Variants in SH3RF3 observed in about 807,000 individuals in gnomAD.
SH3RF3 encodes the protein SH3 domain containing ring finger 3.
Under a neutral mutation model 66.3 loss-of-function variants are expected in SH3RF3, and 29 were observed. The observed-to-expected ratio is 0.44, with a 90% CI of 0.33 to 0.60. The LOEUF is 0.60. Ranked by LOEUF, SH3RF3 falls within the 20% of genes least tolerant of loss-of-function variation. The pLI, the probability that SH3RF3 is intolerant of heterozygous loss-of-function variation, is 0.04. For missense variants in SH3RF3, 1,194 were observed against 1,190.9 expected (o/e 1.00, Z -0.04); for synonymous variants, 583 against 532.0 (o/e 1.10, Z -1.32).
intron 5 of SH3RF3, among the ~76,000 whole-genome samples, chr2:109,423,548 C>T (rs1423738386): frequency 6.6e-6 from 1 of 152,184 alleles, no homozygotes; most frequent in Non-Finnish European, 1.5e-5. Context: ...TGGTGCTGCA[C>T]TCAGCCTGCA....
intron 1 of SH3RF3, among the ~76,000 whole-genome samples, chr2:109,295,836 C>A (rs574227543): frequency 3.4e-4 from 52 of 152,160 alleles, no homozygotes; most frequent in Admixed American, 1.3e-3. Context: ...CCTGCACGGG[C>A]ATCTCTGTGT....
intron 7 of SH3RF3, among the ~76,000 whole-genome samples, chr2:109,440,155 AAAGCTATGG>A (rs1255871768): frequency 6.6e-6 from 1 of 152,220 alleles, no homozygotes; most frequent in Admixed American, 6.5e-5. Context: ...TGACTGAAGC[AAAGCTATGG>A]AAGAAGGAGA....
chr2:109,462,334 A>G (rs1011338802), intron 8 of SH3RF3, among the ~76,000 whole-genome samples: 2 of 152,008 alleles, frequency 1.3e-5, no homozygotes, highest in African/African-American at 4.8e-5. Flanking sequence ...CAAAAAAAGC[A>G]TTTGCCGAAT....
chr2:109,490,554 G>A (rs1679101877), intron 8 of SH3RF3, 51 bp from the exon 9 acceptor site: 2 of 1,337,798 alleles, frequency 1.5e-6, no homozygotes, highest in Non-Finnish European at 1.9e-6. Flanking sequence ...TGACAGCAAG[G>A]GCATTGGGAA....
chr2:109,448,763 C>T (rs142960274), intron 7 of SH3RF3, among the ~76,000 whole-genome samples: 153 of 152,220 alleles, frequency 1.0e-3, no homozygotes, highest in Non-Finnish European at 1.7e-3. Flanking sequence ...TGAATCATCC[C>T]GAAACCATCC....
intron 1 of SH3RF3, among the ~76,000 whole-genome samples, chr2:109,322,058 A>G (rs1574572743): frequency 6.6e-6 from 1 of 152,312 alleles, no homozygotes; most frequent in East Asian, 1.9e-4. Flanking sequence ...TGGAAGGCAC[A>G]GCAAGGAGCG....
chr2:109,276,229 G>T (rs192995611), intron 1 of SH3RF3, among the ~76,000 whole-genome samples: 28 of 152,328 alleles, frequency 1.8e-4, no homozygotes, highest in Admixed American at 1.6e-3. Context: ...GAGTCTGAAC[G>T]TCCCTGGAGG....
intron 9 of SH3RF3, among the ~76,000 whole-genome samples, chr2:109,493,500 A>C (rs1331620491): frequency 2.0e-5 from 3 of 151,304 alleles, no homozygotes; most frequent in Non-Finnish European, 4.4e-5. Flanking sequence ...ACACCATACA[A>C]ACACATACCT....
intron 1 of SH3RF3, among the ~76,000 whole-genome samples, chr2:109,155,636 G>A (rs1558930275): frequency 6.6e-6 from 1 of 152,134 alleles, no homozygotes. Context: ...TTGGCTATTT[G>A]TGATTTATTT....
chr2:109,168,114 G>A (rs150303830), intron 1 of SH3RF3, among the ~76,000 whole-genome samples: 4 of 152,270 alleles, frequency 2.6e-5, no homozygotes, highest in East Asian at 1.9e-4. Flanking sequence ...TTTATGATGC[G>A]TTGAGTGCCT....
intron 1 of SH3RF3, among the ~76,000 whole-genome samples, chr2:109,163,830 T>C (rs895877478): frequency 6.6e-6 from 1 of 152,214 alleles, no homozygotes; most frequent in Non-Finnish European, 1.5e-5. Flanking sequence ...CCAAACAATG[T>C]GTTTTCCATG....
At chr2:109,454,533 T>C (rs1208514649) in intron 8 of SH3RF3, among the ~76,000 whole-genome samples, 1 of 152,188 alleles carries the variant, frequency 6.6e-6, no homozygotes, top group Non-Finnish European at 1.5e-5. Flanking sequence ...TCCCGCCGGC[T>C]GCCTGACTTC....
Position 109,398,640 on chromosome 2 carries a change from C to G in SH3RF3, c.996C>G (p.Ala332=), listed in dbSNP as rs537361444. 1.9e-6 allele frequency: 3 copies of G among 1,599,530 alleles called. No homozygotes were observed. Among genetic ancestry groups the G allele is most frequent in the East Asian group, 2.3e-5 (1 of 44,044 alleles). The change falls in exon 4 of 10, where the codon GCC becomes GCG. Residue 332 remains alanine, a synonymous_variant. Transcript: ENST00000309415. ...QLIEMDKPCP[A]AASSCNASLP... is the part of the protein sequence containing the mutation. ...TTGAGATGGACAAGCCATGCCCAGCCGCTGCATCCAGCTGCAATGCCTCCC... is the reference window on the plus strand; with the variant it reads ...TTGAGATGGACAAGCCATGCCCAGCGGCTGCATCCAGCTGCAATGCCTCCC...
chr2:109,186,333 G>A (rs78896638), intron 1 of SH3RF3, among the ~76,000 whole-genome samples: 278 of 152,356 alleles, frequency 1.8e-3, no homozygotes, highest in African/African-American at 5.8e-3. Context: ...CCATCCTGCA[G>A]ATGAAAATGC....
intron 9 of SH3RF3, among the ~76,000 whole-genome samples, chr2:109,492,253 A>G (rs746323991): frequency 3.9e-5 from 6 of 152,216 alleles, no homozygotes; most frequent in Admixed American, 2.0e-4. Flanking sequence ...ATGTGACAAC[A>G]TTCACAGCTC....
At position 109,164,234 on chromosome 2, in the gene SH3RF3, A is replaced by G. The variant is rs112288684; in HGVS notation, c.573+34121A>G. 6.6e-3 allele frequency among the ~76,000 whole-genome samples: 1,010 copies of G among 152,126 alleles called. 11 individuals carry two copies. Among genetic ancestry groups the G allele is most frequent in the African/African-American group, 0.023 (946 of 41,472 alleles). On this transcript the variant is annotated intron_variant, in intron 1 of 9. Coordinates refer to ENST00000309415, the MANE Select transcript of SH3RF3 (RefSeq NM_001099289.3). Reference sequence around the variant, plus strand: ...TGCTCTGTTGCCCAGGCTGAAGTGCAGTAACATGACTGATCATAACTCACT... The same window carrying G: ...TGCTCTGTTGCCCAGGCTGAAGTGCGGTAACATGACTGATCATAACTCACT...
intron 1 of SH3RF3, among the ~76,000 whole-genome samples, chr2:109,306,284 A>C (rs988727972): frequency 3.3e-5 from 5 of 152,232 alleles, no homozygotes; most frequent in Non-Finnish European, 7.3e-5. Context: ...GAGGGGTGCC[A>C]CGTGTGTGTT....
chr2:109,417,233 T>C (rs1470452113), intron 4 of SH3RF3, among the ~76,000 whole-genome samples: 1 of 152,124 alleles, frequency 6.6e-6, no homozygotes, highest in African/African-American at 2.4e-5. Flanking sequence ...AGCTTCTCCT[T>C]CTCCCTCCCT....
intron 1 of SH3RF3, among the ~76,000 whole-genome samples, chr2:109,216,794 CAT>C (rs1334412362): frequency 2.6e-5 from 4 of 152,198 alleles, no homozygotes; most frequent in Non-Finnish European, 4.4e-5. Flanking sequence ...ATATACATAA[CAT>C]AAAAATTTAC....
Sources: gnomAD v4.1 joint callset for allele counts (sites outside exome capture counted in the v4.1 genomes callset) on GRCh38, gnomAD v4.1.1 for gene constraint, MANE v1.5 for transcripts, NCBI Gene and HGNC (gene_info 2026-07-23, HGNC 2026-07-21) for gene names.